Variants in OPCML observed in about 807,000 individuals in gnomAD.
OPCML encodes opioid binding protein/cell adhesion molecule like.
A neutral mutation model predicts 37.8 loss-of-function variants in OPCML; 13 were observed. The ratio of observed to expected loss-of-function variants is 0.34; its 90% CI spans 0.22 to 0.55. The LOEUF is 0.55. Among genes scored for constraint, OPCML ranks in the 20% least tolerant of loss-of-function variants. OPCML has a pLI of 0.91. For missense variants in OPCML, 341 were observed against 435.6 expected (o/e 0.78, Z 1.93); for synonymous variants, 176 against 168.8 (o/e 1.04, Z -0.33).
intron 1 of OPCML, among the ~76,000 whole-genome samples, chr11:133,077,819 C>A (rs990400976): frequency 3.3e-5 from 5 of 152,062 alleles, no homozygotes; most frequent in African/African-American, 1.2e-4. Flanking sequence ...AATGCAAATG[C>A]CCATCTACCG....
chr11:133,077,363 A>C (rs1948638462), intron 1 of OPCML, among the ~76,000 whole-genome samples: 2 of 152,006 alleles, frequency 1.3e-5, no homozygotes, highest in South Asian at 4.1e-4. Flanking sequence ...TACCTTTCTG[A>C]GTAGGAAGTG....
intron 1 of OPCML, among the ~76,000 whole-genome samples, chr11:133,062,445 C>T (rs749080669): frequency 5.3e-5 from 8 of 152,126 alleles, no homozygotes; most frequent in African/African-American, 9.7e-5. Context: ...AGTAGTTTTC[C>T]AAACATTTTT....
At position 132,785,127 on chromosome 11, in the gene OPCML, C is replaced by A. The variant is rs73585620; in HGVS notation, c.147-127808G>T. On this transcript the variant is annotated intron_variant, in intron 2 of 7. Transcript: ENST00000524381. ...TTCTACCTATATTGTATTACAAGAACCTGAAGTTCAGTCCACATAGCATTT... is the reference window on the plus strand; with the variant it reads ...TTCTACCTATATTGTATTACAAGAAACTGAAGTTCAGTCCACATAGCATTT... Among the ~76,000 whole-genome samples, 606 of 152,154 alleles carry A rather than the reference C, an allele frequency of 4.0e-3. 4 individuals carry two copies. Among genetic ancestry groups the A allele is most frequent in the African/African-American group, 0.014 (584 of 41,504 alleles).
At chr11:133,019,713 G>A (rs1043187755) in intron 1 of OPCML, among the ~76,000 whole-genome samples, 3 of 152,168 alleles carry the variant, frequency 2.0e-5, no homozygotes, top group African/African-American at 2.4e-5. Flanking sequence ...ACTGGGCAGA[G>A]TACCATGGAG....
chr11:132,885,243 T>C (rs1480728928), intron 2 of OPCML, among the ~76,000 whole-genome samples: 1 of 152,176 alleles, frequency 6.6e-6, no homozygotes, highest in Non-Finnish European at 1.5e-5. Flanking sequence ...GGGGAACTGA[T>C]AAGCTCTGCA....
chr11:133,283,534 G>T (rs2136514737), intron 1 of OPCML, among the ~76,000 whole-genome samples: 1 of 152,234 alleles, frequency 6.6e-6, no homozygotes, highest in South Asian at 2.1e-4. Flanking sequence ...AGGGACCAAT[G>T]AAACCTCTTT....
At chr11:133,008,688 G>T (rs1327946763) in intron 1 of OPCML, among the ~76,000 whole-genome samples, 3 of 152,154 alleles carry the variant, frequency 2.0e-5, no homozygotes, top group Non-Finnish European at 4.4e-5. Context: ...AACTTTGAAG[G>T]CCATTGCTGC....
chr11:133,423,671 G>A (rs772665630), intron 1 of OPCML, among the ~76,000 whole-genome samples: 5 of 152,208 alleles, frequency 3.3e-5, no homozygotes, highest in Admixed American at 6.5e-5. Flanking sequence ...AGCGCCCTGA[G>A]AGACTGATAC....
At chr11:132,989,567 C>T (rs7933435) in intron 1 of OPCML, among the ~76,000 whole-genome samples, 14,926 of 150,856 alleles carry the variant, frequency 0.099, 1,361 homozygotes, top group African/African-American at 0.24. Context: ...GAGGACCATG[C>T]GCTGGAGATG....
At chr11:133,176,467 G>A (rs1171558277) in intron 1 of OPCML, among the ~76,000 whole-genome samples, 2 of 151,934 alleles carry the variant, frequency 1.3e-5, no homozygotes, top group Admixed American at 6.6e-5. Context: ...GTTGGAGGTG[G>A]GGCCTACTGG....
intron 2 of OPCML, among the ~76,000 whole-genome samples, chr11:132,756,756 A>T (rs917255126): frequency 3.3e-5 from 5 of 152,104 alleles, no homozygotes; most frequent in Non-Finnish European, 7.4e-5. Context: ...TAAGAACCAG[A>T]ATCTGTTCAA....
intron 1 of OPCML, among the ~76,000 whole-genome samples, chr11:132,965,927 C>A (rs1408418269): frequency 6.6e-6 from 1 of 152,058 alleles, no homozygotes; most frequent in Admixed American, 6.6e-5. Context: ...TAATTTGCAT[C>A]TTTTCTTTCT....
intron 1 of OPCML, among the ~76,000 whole-genome samples, chr11:133,064,351 C>T (rs1045416490): frequency 2.0e-5 from 3 of 152,246 alleles, no homozygotes; most frequent in Non-Finnish European, 2.9e-5. Context: ...GGCCGCCTTC[C>T]CGGCTGAGGC....
At position 132,417,643 on chromosome 11, in the gene OPCML, A is replaced by C. The variant is rs2095943211; in HGVS notation, c.*2550T>G. ...TAGGTCCAGCTTGTCCATTTCAAGC[A>C]CTGTGTTCTCCAAGACTGTCCACTC... On this transcript the variant is annotated 3_prime_UTR_variant, in exon 8 of 8. Coordinates refer to ENST00000524381, the MANE Select transcript of OPCML (RefSeq NM_001012393.5). 6.6e-6 allele frequency: 1 copy of C among 152,224 alleles called. No individual in the cohort carries two copies. The highest frequency in any genetic ancestry group is 1.5e-5 in the Non-Finnish European group (1 of 68,050). 9.4% of individuals were successfully genotyped at this position (152,224 alleles called of 1,614,324 possible).
intron 2 of OPCML, among the ~76,000 whole-genome samples, chr11:132,714,576 G>A (rs2135958800): frequency 7.3e-6 from 1 of 137,226 alleles, no homozygotes; most frequent in Admixed American, 7.2e-5. Flanking sequence ...AAATATCATT[G>A]ATAAATCTTG....
chr11:133,026,840 T>C (rs979824386), intron 1 of OPCML, among the ~76,000 whole-genome samples: 1 of 152,220 alleles, frequency 6.6e-6, no homozygotes, highest in African/African-American at 2.4e-5. Flanking sequence ...TAATGCATTC[T>C]TTTTTCCTGT....
chr11:132,460,370 T>C (rs761256007), intron 4 of OPCML, among the ~76,000 whole-genome samples: 15 of 152,192 alleles, frequency 9.9e-5, no homozygotes, highest in Non-Finnish European at 1.9e-4. Flanking sequence ...GCTAACAATG[T>C]CTTAGTATTA....
intron 3 of OPCML, among the ~76,000 whole-genome samples, chr11:132,618,264 G>A (rs554451537): frequency 6.6e-6 from 1 of 152,286 alleles, no homozygotes; most frequent in Admixed American, 6.5e-5. Context: ...TTGGTGAATA[G>A]CTAGCTTGTC....
At chr11:132,478,896 G>A (rs767331932) in intron 4 of OPCML, among the ~76,000 whole-genome samples, 2 of 152,158 alleles carry the variant, frequency 1.3e-5, no homozygotes, top group African/African-American at 2.4e-5. Context: ...ATAAAAGTCA[G>A]TGATTATCCT....
Sources: allele counts gnomAD v4.1 joint callset (sites outside exome capture counted in the v4.1 genomes callset), GRCh38; gene constraint gnomAD v4.1.1; transcripts MANE v1.5; gene names NCBI Gene and HGNC (gene_info 2026-07-23, HGNC 2026-07-21).